CDH18: variants seen among roughly 807,000 people sequenced by gnomAD.
CDH18 encodes the protein cadherin-18.
CDH18 carries 31 observed loss-of-function variants against 67.9 expected under a neutral mutation model. That is an observed-to-expected ratio of 0.46 (90% CI 0.34 to 0.62). CDH18 has a LOEUF of 0.62. CDH18 is among the 20% of genes least tolerant of loss of function. CDH18 has a pLI of 0.01. For synonymous variants in CDH18, 362 were observed against 347.2 expected, an observed-to-expected ratio of 1.04 and a Z score of -0.48; for missense variants, 890 against 975.5, an observed-to-expected ratio of 0.91 and a Z score of 1.17.
At position 19,501,640 on chromosome 5, in the gene CDH18, T is replaced by C. The variant is rs147763937; in HGVS notation, c.1630+1352A>G. Among the ~76,000 whole-genome samples the C allele has an allele frequency of 6.0e-3, 913 of 152,228 alleles. 8 individuals carry two copies. Among genetic ancestry groups the C allele is most frequent in the African/African-American group, 0.021 (882 of 41,572 alleles). On this transcript the variant is annotated intron_variant, in intron 11 of 12. Transcript: ENST00000382275. ...AATTGAACACATCTTCAAATCGAAG[T>C]CAAATTTTCATTGTAATGTTATCAA...
At chr5:19,840,567 T>C (rs562272721) in intron 2 of CDH18, among the ~76,000 whole-genome samples, 138 of 152,052 alleles carry the variant, frequency 9.1e-4, no homozygotes, top group Non-Finnish European at 1.7e-3. Context: ...GTGGGCATGG[T>C]GGTGCACGCC....
intron 2 of CDH18, among the ~76,000 whole-genome samples, chr5:19,901,629 C>T (rs1053820906): frequency 2.6e-5 from 4 of 151,918 alleles, no homozygotes; most frequent in African/African-American, 9.7e-5. Context: ...TAAATGTTCA[C>T]ATAGGCATTA....
chr5:19,841,640 T>C (rs1023012545), intron 2 of CDH18, among the ~76,000 whole-genome samples: 2 of 151,674 alleles, frequency 1.3e-5, no homozygotes, highest in African/African-American at 4.8e-5. Context: ...ACATAGAAGG[T>C]GTTGTTATTT....
chr5:19,819,144 T>C (rs758371565), intron 3 of CDH18, among the ~76,000 whole-genome samples: 1 of 151,890 alleles, frequency 6.6e-6, no homozygotes, highest in African/African-American at 2.4e-5. Flanking sequence ...ATCATGGCTT[T>C]AGCCACATGT....
rs147447265 is a variant in CDH18 at position 20,347,796 on chromosome 5, A to G, written c.-579-92291T>C. Among the ~76,000 whole-genome samples the G allele has an allele frequency of 3.3e-5, 5 of 152,308 alleles. No individual in the cohort carries two copies. The East Asian group carries it at 9.6e-4, about 29-fold the overall frequency. On this transcript the variant is annotated intron_variant, in intron 1 of 14. Transcript: ENST00000507958. Reference sequence around the variant, plus strand: ...CCAAACTCAAGCATGTGCAGATGCAACACCCATAGGAGGAACATTTACCTC... The same window carrying G: ...CCAAACTCAAGCATGTGCAGATGCAGCACCCATAGGAGGAACATTTACCTC...
chr5:20,517,518 A>C (rs1755454387), intron 1 of CDH18, among the ~76,000 whole-genome samples: 1 of 151,964 alleles, frequency 6.6e-6, no homozygotes, highest in African/African-American at 2.4e-5. Context: ...AGTATTTTAA[A>C]ATACAAAGTA....
At chr5:19,894,941 A>C (rs1789150632) in intron 2 of CDH18, among the ~76,000 whole-genome samples, 1 of 152,136 alleles carries the variant, frequency 6.6e-6, no homozygotes, top group Non-Finnish European at 1.5e-5. Context: ...TACACAGATA[A>C]TTCTGTCTTT....
intron 1 of CDH18, among the ~76,000 whole-genome samples, chr5:20,501,263 C>A (rs1337224951): frequency 1.3e-5 from 2 of 151,342 alleles, no homozygotes; most frequent in Non-Finnish European, 2.9e-5. Flanking sequence ...AAGCAAATAT[C>A]CATGTGTAGT....
chr5:20,498,846 C>A (rs1056056024), intron 1 of CDH18, among the ~76,000 whole-genome samples: 2 of 151,948 alleles, frequency 1.3e-5, no homozygotes, highest in African/African-American at 2.4e-5. Flanking sequence ...GGTCACTAAA[C>A]ATAGATTTAA....
At chr5:19,531,365 C>A (rs1748586807) in intron 9 of CDH18, among the ~76,000 whole-genome samples, 1 of 152,022 alleles carries the variant, frequency 6.6e-6, no homozygotes, top group Admixed American at 6.6e-5. Flanking sequence ...TTTTCAACAT[C>A]ATTTCTCTGT....
At chr5:20,312,161 A>C (rs1737054937) in intron 1 of CDH18, among the ~76,000 whole-genome samples, 1 of 152,186 alleles carries the variant, frequency 6.6e-6, no homozygotes, top group Admixed American at 6.5e-5. Context: ...AGCTAATAAC[A>C]AAATAGGAAA....
chr5:20,489,263 T>G (rs1375543706), intron 1 of CDH18, among the ~76,000 whole-genome samples: 3 of 152,066 alleles, frequency 2.0e-5, no homozygotes, highest in Admixed American at 2.0e-4. Context: ...AGCTAATGTT[T>G]AGAGCATATC....
chr5:20,018,206 T>C (rs558610960), intron 2 of CDH18, among the ~76,000 whole-genome samples: 4 of 152,290 alleles, frequency 2.6e-5, no homozygotes, highest in African/African-American at 9.6e-5. Flanking sequence ...CCTGGGCCCA[T>C]GTGGCAGATT....
intron 3 of CDH18, among the ~76,000 whole-genome samples, chr5:19,781,872 T>C (rs540379416): frequency 6.6e-6 from 1 of 152,304 alleles, no homozygotes; most frequent in South Asian, 2.1e-4. Flanking sequence ...ATTTCTGCTG[T>C]GTCAAAGGCA....
chr5:19,830,152 GC>G (rs1780854885), intron 3 of CDH18, among the ~76,000 whole-genome samples: 1 of 152,034 alleles, frequency 6.6e-6, no homozygotes, highest in African/African-American at 2.4e-5. Context: ...TGATGAAGCT[GC>G]CAAAAGCAAT....
chr5:19,913,453 T>A (rs1024795290), intron 2 of CDH18, among the ~76,000 whole-genome samples: 1 of 152,252 alleles, frequency 6.6e-6, no homozygotes, highest in Non-Finnish European at 1.5e-5. Context: ...TTCCCAAGGT[T>A]GTAAATTTTC....
intron 8 of CDH18, among the ~76,000 whole-genome samples, chr5:19,552,311 C>T (rs1255958684): frequency 6.6e-6 from 1 of 151,988 alleles, no homozygotes; most frequent in African/African-American, 2.4e-5. Flanking sequence ...TTGCGCCTCA[C>T]CCAAAATTCA....
At chr5:19,931,593 G>C (rs1793705437) in intron 2 of CDH18, among the ~76,000 whole-genome samples, 1 of 151,746 alleles carries the variant, frequency 6.6e-6, no homozygotes, top group South Asian at 2.1e-4. Context: ...ACTGTTGGTG[G>C]TGTCTGGTTA....
At position 20,388,799 on chromosome 5, in the gene CDH18, G is replaced by A. The variant is rs554030663; in HGVS notation, c.-579-133294C>T. On this transcript the variant is annotated intron_variant, in intron 1 of 14. Transcript: ENST00000507958. ...GTTTCCTTATTTCTGCCTTGATTTCGTTATGTACCCAGTAGTCATTCAGGA... is the reference window on the plus strand; with the variant it reads ...GTTTCCTTATTTCTGCCTTGATTTCATTATGTACCCAGTAGTCATTCAGGA... Among the ~76,000 whole-genome samples the A allele has an allele frequency of 5.9e-5, 9 of 152,030 alleles. No homozygotes were observed. The South Asian group carries it at 6.2e-4, about 11-fold the overall frequency.
Sources: allele counts gnomAD v4.1 joint callset (sites outside exome capture counted in the v4.1 genomes callset), GRCh38; gene constraint gnomAD v4.1.1; transcripts MANE v1.5; gene names NCBI Gene and HGNC (gene_info 2026-07-23, HGNC 2026-07-21).